SAMSN1: variants seen among roughly 807,000 people sequenced by gnomAD.
SAMSN1 encodes the protein SAM domain-containing protein SAMSN-1.
Under a neutral mutation model 42.0 loss-of-function variants are expected in SAMSN1, and 31 were observed. That is an observed-to-expected ratio of 0.74 (90% CI 0.55 to 1.00). The LOEUF is 1.00. Among genes scored for constraint, SAMSN1 ranks in the 50% least tolerant of loss-of-function variants. The pLI, the probability that SAMSN1 is intolerant of heterozygous loss-of-function variation, is 0.00. For missense variants in SAMSN1, 464 were observed against 439.4 expected, an observed-to-expected ratio of 1.06 and a Z score of -0.50; for synonymous variants, 178 against 151.9, an observed-to-expected ratio of 1.17 and a Z score of -1.26.
At chr21:14,527,312 AG>A (rs1211431818) in intron 1 of SAMSN1, among the ~76,000 whole-genome samples, 8 of 152,218 alleles carry the variant, frequency 5.3e-5, no homozygotes, top group African/African-American at 1.9e-4. Context: ...TCTTTTGAAG[AG>A]GTGAAACAAA....
At chr21:14,504,077 C>T (rs1478499336) in intron 5 of SAMSN1, among the ~76,000 whole-genome samples, 1 of 152,124 alleles carries the variant, frequency 6.6e-6, no homozygotes, top group Non-Finnish European at 1.5e-5. Flanking sequence ...CAAGGGAACA[C>T]CCCATGGGAC....
At chr21:14,505,614 C>T (rs8131886) in intron 5 of SAMSN1, among the ~76,000 whole-genome samples, 3,897 of 152,170 alleles carry the variant, frequency 0.026, 170 homozygotes, top group African/African-American at 0.089. Context: ...TACTAATAGG[C>T]CTAAGAAATG....
chr21:14,510,838 G>A (rs894796154), intron 4 of SAMSN1, among the ~76,000 whole-genome samples: 1 of 152,184 alleles, frequency 6.6e-6, no homozygotes, highest in African/African-American at 2.4e-5. Context: ...AGGCCATTTT[G>A]AGGCAATATT....
At chr21:14,631,795 C>A (rs13433483) in intron 2 of SAMSN1, among the ~76,000 whole-genome samples, 2,039 of 152,208 alleles carry the variant, frequency 0.013, 49 homozygotes, top group African/African-American at 0.047. Context: ...ACTTATAAAT[C>A]AGAATTTAAT....
At chr21:14,500,943 G>A (rs1987127534) in intron 5 of SAMSN1, among the ~76,000 whole-genome samples, 3 of 152,174 alleles carry the variant, frequency 2.0e-5, no homozygotes, top group Non-Finnish European at 4.4e-5. Context: ...GGAGGCCAAG[G>A]CGGGAGGATT....
At chr21:14,543,567 C>A (rs936267803) in intron 1 of SAMSN1, among the ~76,000 whole-genome samples, 6 of 152,030 alleles carry the variant, frequency 3.9e-5, no homozygotes, top group Non-Finnish European at 8.8e-5. Flanking sequence ...ATACTAATAA[C>A]AAAATCTTTC....
chr21:14,614,206 T>G (rs1982775757), intron 3 of SAMSN1, among the ~76,000 whole-genome samples: 1 of 152,182 alleles, frequency 6.6e-6, no homozygotes, highest in Non-Finnish European at 1.5e-5. Flanking sequence ...TAAAAAATAA[T>G]TCTTATTTTT....
At chr21:14,617,853 G>A (rs893657903) in intron 2 of SAMSN1, among the ~76,000 whole-genome samples, 6 of 152,198 alleles carry the variant, frequency 3.9e-5, no homozygotes, top group African/African-American at 1.4e-4. Context: ...TCGAGCAAGA[G>A]AGTTTGAATT....
intron 2 of SAMSN1, among the ~76,000 whole-genome samples, chr21:14,630,256 A>G (rs961497340): frequency 6.6e-6 from 1 of 152,164 alleles, no homozygotes; most frequent in Non-Finnish European, 1.5e-5. Context: ...ATGAACAGGA[A>G]CTTTAAAATC....
chr21:14,571,056 A>T (rs1473471683), intron 2 of SAMSN1, among the ~76,000 whole-genome samples: 3 of 152,156 alleles, frequency 2.0e-5, no homozygotes, highest in Non-Finnish European at 4.4e-5. Flanking sequence ...GAACTCTATC[A>T]TCACTACCCA....
intron 2 of SAMSN1, among the ~76,000 whole-genome samples, chr21:14,573,186 T>C (rs9979489): frequency 0.036 from 5,511 of 152,252 alleles, 316 homozygotes; most frequent in African/African-American, 0.12. Context: ...CAAAAGCAGA[T>C]GTCTCTCTCC....
chr21:14,574,156 A>G (rs1981389199), intron 2 of SAMSN1, among the ~76,000 whole-genome samples: 2 of 152,110 alleles, frequency 1.3e-5, no homozygotes, highest in Non-Finnish European at 2.9e-5. Context: ...TAAAAAGGAC[A>G]TTTAGGTCTT....
chr21:14,506,229 C>A (rs1330123295), intron 5 of SAMSN1, among the ~76,000 whole-genome samples: 1 of 151,560 alleles, frequency 6.6e-6, no homozygotes. Flanking sequence ...AAGGTCAGAG[C>A]AGAATTAAAT....
At chr21:14,514,236 G>A (rs750588647) in intron 3 of SAMSN1, among the ~76,000 whole-genome samples, 5 of 152,108 alleles carry the variant, frequency 3.3e-5, no homozygotes, top group Admixed American at 6.5e-5. Flanking sequence ...TCCTTTTACA[G>A]ATGTCAGATT....
intron 2 of SAMSN1, among the ~76,000 whole-genome samples, chr21:14,635,735 A>G (rs1460184211): frequency 1.3e-5 from 2 of 152,182 alleles, no homozygotes; most frequent in Non-Finnish European, 2.9e-5. Context: ...GCAGAAGGAA[A>G]GGCAATGATC....
At chr21:14,609,745 G>A (rs531649879) in intron 4 of SAMSN1, among the ~76,000 whole-genome samples, 17 of 152,330 alleles carry the variant, frequency 1.1e-4, no homozygotes, top group African/African-American at 3.1e-4. Context: ...GGAGGGACCG[G>A]CTGAAGCCAT....
intron 2 of SAMSN1, among the ~76,000 whole-genome samples, chr21:14,637,452 A>G (rs1983495592): frequency 6.6e-6 from 1 of 152,240 alleles, no homozygotes; most frequent in African/African-American, 2.4e-5. Context: ...TTATTTTGAC[A>G]ACTAGAATAA....
chr21:14,563,284 C>A (rs1981004278), intron 2 of SAMSN1, among the ~76,000 whole-genome samples: 1 of 152,044 alleles, frequency 6.6e-6, no homozygotes, highest in Non-Finnish European at 1.5e-5. Flanking sequence ...ACACTGATGC[C>A]AAAATATTAA....
At chr21:14,538,235 ATTT>A (rs1291353215) in intron 1 of SAMSN1, among the ~76,000 whole-genome samples, 36 of 152,300 alleles carry the variant, frequency 2.4e-4, no homozygotes, top group African/African-American at 8.7e-4. Context: ...TATTACCTAC[ATTT>A]TATATCATGT....
Sources: gnomAD v4.1 joint callset for allele counts (sites outside exome capture counted in the v4.1 genomes callset) on GRCh38, gnomAD v4.1.1 for gene constraint, MANE v1.5 for transcripts, NCBI Gene and HGNC (gene_info 2026-07-23, HGNC 2026-07-21) for gene names.